Variants in NAV2 observed in about 807,000 individuals in gnomAD.
NAV2 encodes neuron navigator 2, also known as helicase, APC down-regulated 1.
NAV2 carries 54 observed loss-of-function variants against 223.2 expected under a neutral mutation model. The observed-to-expected ratio is 0.24, with a 90% CI of 0.19 to 0.30. The LOEUF (loss-of-function observed/expected upper bound fraction) is 0.30. NAV2 is among the 10% of genes least tolerant of loss of function. The pLI is 1.00. For synonymous variants in NAV2, 1,279 were observed against 1,239.3 expected, an observed-to-expected ratio of 1.03 and a Z score of -0.67; for missense variants, 2,806 against 3,147.5, an observed-to-expected ratio of 0.89 and a Z score of 2.60.
intron 1 of NAV2, among the ~76,000 whole-genome samples, chr11:19,494,194 A>G (rs1055079171): frequency 2.0e-5 from 3 of 152,238 alleles, no homozygotes; most frequent in Non-Finnish European, 2.9e-5. Context: ...CAAGAGGGCC[A>G]TGGATTGAGC....
chr11:19,976,108 C>T (rs1419457835), intron 10 of NAV2, among the ~76,000 whole-genome samples: 2 of 152,148 alleles, frequency 1.3e-5, no homozygotes, highest in Non-Finnish European at 2.9e-5. Context: ...GAAGCACTTG[C>T]GTTTTCACTC....
In NAV2 at chr11:19,399,220, G is replaced by C. The variant is rs144328734; in HGVS notation, c.75+48193G>C. ...CCTGTGTCTTAGGCTGAGTGTCCGT[G>C]ATGAATTTTGCAAGAAAAAAATCAG... is the stretch of plus-strand genomic sequence containing the variant. On this transcript the variant is annotated intron_variant, in intron 1 of 37. Transcript: ENST00000360655. 1.6e-3 allele frequency among the ~76,000 whole-genome samples: 251 copies of C among 152,230 alleles called. 1 individual carries two copies. Among genetic ancestry groups the C allele is most frequent in the South Asian group, 0.016 (75 of 4,814 alleles).
intron 1 of NAV2, among the ~76,000 whole-genome samples, chr11:19,787,069 T>A (rs950451117): frequency 6.6e-6 from 1 of 151,968 alleles, no homozygotes; most frequent in African/African-American, 2.4e-5. Flanking sequence ...TGATAACCAC[T>A]CTGGGTGCCA....
chr11:19,589,291 G>C lies in NAV2; in HGVS notation c.75+238264G>C, dbSNP rs577500103. ...CAAAAAAAACCTCCCAGCTTAACCA[G>C]AGGCAGATTGTAGGAGCTATCCTGA... On this transcript the variant is annotated intron_variant, in intron 1 of 37. Transcript: ENST00000360655. Among the ~76,000 whole-genome samples, 54 of 152,324 alleles carry C rather than the reference G, an allele frequency of 3.5e-4. 2 individuals are homozygous for C. The highest frequency in any genetic ancestry group is 1.3e-3 in the African/African-American group (53 of 41,572).
At chr11:20,080,747 A>G (rs2060040124) in intron 25 of NAV2, among the ~76,000 whole-genome samples, 1 of 152,222 alleles carries the variant, frequency 6.6e-6, no homozygotes, top group Non-Finnish European at 1.5e-5. Context: ...GTTCTAAACC[A>G]GGGGTTGTAC....
rs975590873 is a variant in NAV2 at position 19,646,267 on chromosome 11, G to A, written c.76-186217G>A. On this transcript the variant is annotated intron_variant, in intron 1 of 37. Transcript: ENST00000360655. ...TTATGACTTTATACCAACATGCTTC[G>A]TGTTCTAATTGCTCCTCCTTACCAA... 3.9e-5 allele frequency among the ~76,000 whole-genome samples: 6 copies of A among 152,208 alleles called. No homozygotes were observed. The South Asian group carries it at 6.2e-4, about 16-fold the overall frequency.
At chr11:19,535,712 G>T (rs2044166351) in intron 1 of NAV2, among the ~76,000 whole-genome samples, 1 of 152,056 alleles carries the variant, frequency 6.6e-6, no homozygotes. Flanking sequence ...TTCCCTGTTG[G>T]CCTTATGGGT....
At chr11:20,029,280 C>G (rs567490842) in intron 11 of NAV2, among the ~76,000 whole-genome samples, 36 of 152,344 alleles carry the variant, frequency 2.4e-4, no homozygotes, top group Admixed American at 7.2e-4. Context: ...TCTGAACCCT[C>G]ACGGGTGGTA....
intron 10 of NAV2, among the ~76,000 whole-genome samples, chr11:19,977,197 C>A (rs767132812): frequency 1.3e-5 from 2 of 152,168 alleles, no homozygotes; most frequent in African/African-American, 2.4e-5. Flanking sequence ...GAAGAATTGC[C>A]CACTAAGTCA....
At chr11:19,860,153 G>T (rs1308138275) in intron 3 of NAV2, among the ~76,000 whole-genome samples, 2 of 145,802 alleles carry the variant, frequency 1.4e-5, no homozygotes, top group South Asian at 2.2e-4. Context: ...GGACGGGGCG[G>T]CTGGCCAGGC....
intron 30 of NAV2, among the ~76,000 whole-genome samples, chr11:20,096,121 G>A (rs2153691690): frequency 6.6e-6 from 1 of 152,292 alleles, no homozygotes. Flanking sequence ...TGTAATCTGT[G>A]GCCAGGGCTT....
intron 1 of NAV2, among the ~76,000 whole-genome samples, chr11:19,353,790 A>C (rs758117347): frequency 2.8e-4 from 43 of 152,240 alleles, no homozygotes; most frequent in Non-Finnish European, 5.0e-4. Flanking sequence ...ATGTTATAGA[A>C]GAATACAGAA....
intron 1 of NAV2, among the ~76,000 whole-genome samples, chr11:19,394,004 T>A (rs1298880174): frequency 6.7e-6 from 1 of 149,672 alleles, no homozygotes; most frequent in Non-Finnish European, 1.5e-5. Context: ...ACTGTAAACC[T>A]GGAACGTTTT....
chr11:20,038,367 T>C (rs541036606), intron 12 of NAV2, among the ~76,000 whole-genome samples: 1 of 152,328 alleles, frequency 6.6e-6, no homozygotes, highest in South Asian at 2.1e-4. Context: ...GTTTAAAATG[T>C]TGAAATGAAA....
chr11:20,061,437 C>G (rs923605441), intron 19 of NAV2, among the ~76,000 whole-genome samples: 1 of 152,016 alleles, frequency 6.6e-6, no homozygotes, highest in Non-Finnish European at 1.5e-5. Flanking sequence ...GGCATGGTGG[C>G]GCACGCCTAT....
At chr11:19,608,538 T>C (rs2046543204) in intron 1 of NAV2, among the ~76,000 whole-genome samples, 1 of 152,282 alleles carries the variant, frequency 6.6e-6, no homozygotes, top group African/African-American at 2.4e-5. Context: ...TGTTTATTTA[T>C]TTTGTGGAAA....
intron 1 of NAV2, among the ~76,000 whole-genome samples, chr11:19,365,074 T>C (rs946093235): frequency 1.3e-5 from 2 of 152,200 alleles, no homozygotes; most frequent in African/African-American, 4.8e-5. Context: ...TTTCCAGATA[T>C]GCTTAGAGCC....
chr11:20,097,440 C>G (rs2061355742), intron 30 of NAV2, 137 bp from the exon 31 acceptor site: 1 of 682,620 alleles, frequency 1.5e-6, no homozygotes, highest in Non-Finnish European at 2.3e-6. Context: ...TTTTCTCCCC[C>G]TCATCCCACA....
chr11:20,067,525 T>C, intron 20 of NAV2, among the ~76,000 whole-genome samples: 1 of 152,132 alleles, frequency 6.6e-6, no homozygotes, highest in Non-Finnish European at 1.5e-5. Context: ...TTGCCCAGGC[T>C]AGAGTGCAGT....
Sources: gnomAD v4.1 joint callset for allele counts (sites outside exome capture counted in the v4.1 genomes callset) on GRCh38, gnomAD v4.1.1 for gene constraint, MANE v1.5 for transcripts, NCBI Gene and HGNC (gene_info 2026-07-23, HGNC 2026-07-21) for gene names.